NCOA2: variants seen among roughly 807,000 people sequenced by gnomAD.
NCOA2 encodes the protein class E basic helix-loop-helix protein 75.
In NCOA2, 21 loss-of-function variants were observed where a neutral mutation model predicts 145.1. That is an observed-to-expected ratio of 0.14 (90% CI 0.10 to 0.21). NCOA2 has a LOEUF of 0.21. Among genes scored for constraint, NCOA2 ranks in the 10% least tolerant of loss-of-function variants. The pLI is 1.00. For missense variants in NCOA2, 1,472 were observed against 1,837.6 expected (o/e 0.80, Z 3.64); for synonymous variants, 619 against 637.5 (o/e 0.97, Z 0.44).
At chr8:70,226,088 ATT>A (rs1397007067) in intron 2 of NCOA2, among the ~76,000 whole-genome samples, 1 of 152,194 alleles carries the variant, frequency 6.6e-6, no homozygotes, top group Non-Finnish European at 1.5e-5. Context: ...AGAAAAATTA[ATT>A]TAAAAAGAAA....
intron 2 of NCOA2, among the ~76,000 whole-genome samples, chr8:70,247,050 CA>C (rs1341954519): frequency 1.3e-5 from 2 of 152,102 alleles, no homozygotes; most frequent in African/African-American, 4.8e-5. Context: ...AAGAATTTAA[CA>C]ACTCCAATTC....
At chr8:70,416,402 T>TTAA in the NCOA2 span, among the ~76,000 whole-genome samples, 1 of 152,170 alleles carries the variant, frequency 6.6e-6, no homozygotes, top group Non-Finnish European at 1.5e-5. Flanking sequence ...CCATGCAGTC[T>TTAA]TCTTAAGCCA....
chr8:70,451,096 T>C, the NCOA2 span, among the ~76,000 whole-genome samples: 1 of 148,974 alleles, frequency 6.7e-6, no homozygotes, highest in Non-Finnish European at 1.5e-5. Flanking sequence ...CGGGCGCCTG[T>C]AGTCCCAGCT....
intron 2 of NCOA2, among the ~76,000 whole-genome samples, chr8:70,293,933 C>T (rs1294817148): frequency 3.9e-5 from 6 of 152,090 alleles, no homozygotes; most frequent in African/African-American, 1.4e-4. Context: ...TTTGCATTTA[C>T]ACTCATAGAT....
At chr8:70,222,146 A>G (rs1360941744) in intron 2 of NCOA2, among the ~76,000 whole-genome samples, 3 of 152,244 alleles carry the variant, frequency 2.0e-5, no homozygotes, top group Non-Finnish European at 4.4e-5. Context: ...GTTAAGTTAC[A>G]AAGTTTTAGA....
intron 2 of NCOA2, among the ~76,000 whole-genome samples, chr8:70,283,957 G>C (rs1203807974): frequency 6.6e-6 from 1 of 152,024 alleles, no homozygotes; most frequent in Non-Finnish European, 1.5e-5. Flanking sequence ...TTTTCTCCAG[G>C]TTTACAATAA....
rs2136349201 is a variant in NCOA2, at chr8:70,334,959, A to G, written c.-76-38159T>C. ...ACCGACACGGTGAAACCCTATCTCT[A>G]CAAAAATAAAAAAACTAGCCAGGTG... On this transcript the variant is annotated intron_variant, in intron 1 of 22. Coordinates refer to ENST00000452400, the MANE Select transcript of NCOA2 (RefSeq NM_006540.4). Among the ~76,000 whole-genome samples the G allele has an allele frequency of 1.3e-5, 2 of 151,754 alleles. 1 individual carries two copies. The highest frequency in any genetic ancestry group is 4.2e-4 in the South Asian group (2 of 4,788).
intron 1 of NCOA2, among the ~76,000 whole-genome samples, chr8:70,380,772 T>C (rs965079476): frequency 2.0e-5 from 3 of 151,938 alleles, no homozygotes; most frequent in African/African-American, 7.3e-5. Flanking sequence ...GAAATTTTCT[T>C]CTTTAAAAAA....
At position 70,156,257 on chromosome 8, in the gene NCOA2, A is replaced by G; in HGVS notation, c.2108T>C (p.Leu703Ser). Residue 703 changes from leucine (L) to serine (S), a missense_variant, in exon 11 of 23, where the codon TTG becomes TCG. Leu to Ser is a moderately radical substitution (Grantham distance 145). Coordinates refer to ENST00000452400, the MANE Select transcript of NCOA2 (RefSeq NM_006540.4). ...LLQDSSSPVD[L>S]AKLTAEATGK... ...TGTGGCTTCTGCTGTTAACTTGGCC[A>G]AGTCCACAGGGGAACTGCTGTCCTG... is the stretch of plus-strand genomic sequence containing the variant. The G allele has an allele frequency of 6.2e-7, 1 of 1,613,894 alleles. No individual in the cohort carries two copies. Among genetic ancestry groups the G allele is most frequent in the Non-Finnish European group, 8.5e-7 (1 of 1,179,870 alleles).
chr8:70,167,707 T>C (rs1813779064), intron 6 of NCOA2, among the ~76,000 whole-genome samples: 1 of 152,192 alleles, frequency 6.6e-6, no homozygotes, highest in Admixed American at 6.5e-5. Context: ...CAGACATCTA[T>C]TTGAGTATTA....
rs938615130 is a variant in NCOA2, at chr8:70,149,242, T to G, written c.2395-759A>C. On this transcript the variant is annotated intron_variant, in intron 11 of 22. Transcript: ENST00000452400. The stretch of plus-strand genomic sequence containing the variant: ...AAGCTATAAAAATGTTTTTTTTGTT[T>G]TTTTTTTTCTGAGAAAGGGTCTTGC... Among the ~76,000 whole-genome samples, 7 of 151,978 alleles carry G rather than the reference T, an allele frequency of 4.6e-5. No homozygotes were observed. The East Asian group carries it at 1.3e-3, about 29-fold the overall frequency.
chr8:70,180,233 G>C (rs753793319), intron 4 of NCOA2, among the ~76,000 whole-genome samples: 15 of 152,220 alleles, frequency 9.9e-5, no homozygotes, highest in Non-Finnish European at 2.2e-4. Flanking sequence ...AAGTAGCTAT[G>C]ATCTTTTTAA....
At chr8:70,201,518 G>A (rs965293844) in intron 4 of NCOA2, among the ~76,000 whole-genome samples, 1 of 152,124 alleles carries the variant, frequency 6.6e-6, no homozygotes, top group African/African-American at 2.4e-5. Context: ...CAAATCTCAG[G>A]GATGGGGATG....
At chr8:70,349,027 AG>A (rs139757666) in intron 1 of NCOA2, among the ~76,000 whole-genome samples, 3,257 of 151,440 alleles carry the variant, frequency 0.022, 122 homozygotes, top group African/African-American at 0.075. Flanking sequence ...GGGAGGGAAA[AG>A]GGGAAGGAAA....
At chr8:70,382,271 A>G (rs1812264514) in intron 1 of NCOA2, among the ~76,000 whole-genome samples, 1 of 152,094 alleles carries the variant, frequency 6.6e-6, no homozygotes, top group African/African-American at 2.4e-5. Context: ...CCCCGAGGCC[A>G]GGAGGAGGCC....
chr8:70,169,007 C>T (rs141335640), intron 6 of NCOA2, among the ~76,000 whole-genome samples: 3 of 152,276 alleles, frequency 2.0e-5, no homozygotes, highest in Non-Finnish European at 4.4e-5. Flanking sequence ...TTGAAAAGGA[C>T]CTTTTCCTAC....
intron 1 of NCOA2, among the ~76,000 whole-genome samples, chr8:70,387,336 T>C (rs1272215749): frequency 2.6e-5 from 4 of 152,200 alleles, no homozygotes; most frequent in Non-Finnish European, 4.4e-5. Flanking sequence ...ATGTTGGCAA[T>C]ATCAGAAAGT....
At chr8:70,267,498 G>A (rs999088417) in intron 2 of NCOA2, among the ~76,000 whole-genome samples, 1 of 151,042 alleles carries the variant, frequency 6.6e-6, no homozygotes. Flanking sequence ...CCCAGACTCA[G>A]GTGATCCTCC....
intron 2 of NCOA2, among the ~76,000 whole-genome samples, chr8:70,262,398 C>T (rs1454484032): frequency 6.6e-6 from 1 of 152,140 alleles, no homozygotes; most frequent in Non-Finnish European, 1.5e-5. Flanking sequence ...ACAGGAGTTA[C>T]CATATGGATT....
Sources: gnomAD v4.1 joint callset for allele counts (sites outside exome capture counted in the v4.1 genomes callset) on GRCh38, gnomAD v4.1.1 for gene constraint, MANE v1.5 for transcripts, NCBI Gene and HGNC (gene_info 2026-07-23, HGNC 2026-07-21) for gene names.